Variants in CDH12 observed in about 807,000 individuals in gnomAD.
CDH12 encodes cadherin 12.
In CDH12, 41 loss-of-function variants were observed where a neutral mutation model predicts 74.1. The ratio of observed to expected loss-of-function variants is 0.55; its 90% CI spans 0.43 to 0.72. The LOEUF is 0.72. Among genes scored for constraint, CDH12 ranks in the 30% least tolerant of loss-of-function variants. The pLI is 0.00. For synonymous variants in CDH12, 399 were observed against 355.0 expected, an observed-to-expected ratio of 1.12 and a Z score of -1.39; for missense variants, 945 against 977.2, an observed-to-expected ratio of 0.97 and a Z score of 0.44.
intron 4 of CDH12, among the ~76,000 whole-genome samples, chr5:22,120,256 G>C (rs909892294): frequency 2.0e-5 from 3 of 152,000 alleles, no homozygotes; most frequent in Non-Finnish European, 4.4e-5. Context: ...TTTGTCCTTG[G>C]CATCATGGTT....
intron 3 of CDH12, among the ~76,000 whole-genome samples, chr5:22,323,540 T>C (rs1216287693): frequency 6.6e-6 from 1 of 152,186 alleles, no homozygotes; most frequent in East Asian, 1.9e-4. Flanking sequence ...TTTATTGGCA[T>C]AAATTGTTTA....
chr5:21,802,386 A>G lies in CDH12; in HGVS notation c.1037T>C (p.Phe346Ser), dbSNP rs1175265233. Residue 346 changes from phenylalanine (F) to serine (S), a missense_variant, in exon 10 of 15, where the codon TTC becomes TCC. Physicochemically the swap from Phe to Ser is radical, Grantham distance 155 (BLOSUM62 -2). Coordinates refer to ENST00000382254, the MANE Select transcript of CDH12 (RefSeq NM_004061.5). ...GTGAAGGTTGGAAGCCTCAACTTTG[A>G]AAGTGTATGCCTTCTTTGTTTCAAA... ...LDFETKKAYT[F>S]KVEASNLHLD... is the part of the protein sequence containing the mutation. 10 of 1,613,842 alleles carry G rather than the reference A, an allele frequency of 6.2e-6. No homozygotes were observed. Among genetic ancestry groups the G allele is most frequent in the Non-Finnish European group, 8.5e-6 (10 of 1,179,874 alleles).
intron 5 of CDH12, among the ~76,000 whole-genome samples, chr5:22,059,252 A>ACT (rs1335586991): frequency 8.7e-6 from 1 of 114,942 alleles, no homozygotes; most frequent in Non-Finnish European, 1.8e-5. Context: ...TTTTCCTTGT[A>ACT]CTCTATCTAT....
chr5:22,209,330 A>T (rs984905840), intron 4 of CDH12, among the ~76,000 whole-genome samples: 1 of 152,226 alleles, frequency 6.6e-6, no homozygotes, highest in Non-Finnish European at 1.5e-5. Context: ...AAGTCAGCAT[A>T]GCAAATAGGC....
intron 1 of CDH12, among the ~76,000 whole-genome samples, chr5:22,659,039 T>C (rs182633467): frequency 6.6e-6 from 1 of 152,202 alleles, no homozygotes; most frequent in Admixed American, 6.5e-5. Flanking sequence ...ACCATTTTCA[T>C]GTTAAGGCCT....
intron 3 of CDH12, among the ~76,000 whole-genome samples, chr5:22,337,686 C>G (rs1445812922): frequency 6.6e-6 from 1 of 152,210 alleles, no homozygotes; most frequent in Non-Finnish European, 1.5e-5. Context: ...TTAAACCTTT[C>G]TCTTTTGCAA....
At chr5:22,554,284 T>G (rs1386188848) in intron 1 of CDH12, among the ~76,000 whole-genome samples, 3 of 152,040 alleles carry the variant, frequency 2.0e-5, no homozygotes, top group Non-Finnish European at 4.4e-5. Flanking sequence ...ATACCAAGAG[T>G]GAACCCTAAT....
intron 1 of CDH12, among the ~76,000 whole-genome samples, chr5:22,688,163 G>A (rs1734727228): frequency 6.6e-6 from 1 of 152,080 alleles, no homozygotes; most frequent in Non-Finnish European, 1.5e-5. Flanking sequence ...GGAGATTCAT[G>A]AGAATTAAAT....
intron 5 of CDH12, among the ~76,000 whole-genome samples, chr5:21,988,266 C>T (rs184657593): frequency 1.2e-4 from 18 of 151,854 alleles, no homozygotes; most frequent in Admixed American, 9.8e-4. Flanking sequence ...CTGAGGTGGG[C>T]GGATCACTTG....
At chr5:22,299,779 A>G (rs1399604713) in intron 3 of CDH12, among the ~76,000 whole-genome samples, 2 of 152,176 alleles carry the variant, frequency 1.3e-5, no homozygotes, top group African/African-American at 2.4e-5. Flanking sequence ...TTGTTGTTTG[A>G]AAGACATTTT....
chr5:22,655,027 C>G (rs1010563476), intron 1 of CDH12, among the ~76,000 whole-genome samples: 1 of 152,194 alleles, frequency 6.6e-6, no homozygotes, highest in Non-Finnish European at 1.5e-5. Context: ...CTCTAAAAAT[C>G]TAACTTATCT....
intron 2 of CDH12, among the ~76,000 whole-genome samples, chr5:22,435,426 A>T (rs545441482): frequency 6.6e-6 from 1 of 151,668 alleles, no homozygotes; most frequent in Non-Finnish European, 1.5e-5. Flanking sequence ...ATATGTGTGT[A>T]TATATACGTA....
At chr5:21,959,739 C>G (rs1047838533) in intron 6 of CDH12, among the ~76,000 whole-genome samples, 14 of 134,248 alleles carry the variant, frequency 1.0e-4, no homozygotes, top group Non-Finnish European at 2.0e-4. Flanking sequence ...GAAACCCCAT[C>G]TCTACTAAAA....
intron 8 of CDH12, among the ~76,000 whole-genome samples, chr5:21,821,286 T>G (rs1423730502): frequency 6.6e-6 from 1 of 151,800 alleles, no homozygotes; most frequent in Non-Finnish European, 1.5e-5. Flanking sequence ...GCAGGAAATT[T>G]CCAGATACTG....
At chr5:22,610,977 C>G (rs1737367819) in intron 1 of CDH12, among the ~76,000 whole-genome samples, 1 of 152,082 alleles carries the variant, frequency 6.6e-6, no homozygotes. Flanking sequence ...AAACATACTA[C>G]TATGACTTCA....
At chr5:22,835,751 G>A (rs1347419522) in intron 1 of CDH12, among the ~76,000 whole-genome samples, 5 of 152,170 alleles carry the variant, frequency 3.3e-5, no homozygotes, top group Non-Finnish European at 7.3e-5. Flanking sequence ...AAAGTCAACT[G>A]TGAATCTGGG....
intron 1 of CDH12, among the ~76,000 whole-genome samples, chr5:22,616,340 T>C (rs1451647157): frequency 6.6e-6 from 1 of 152,082 alleles, no homozygotes; most frequent in Non-Finnish European, 1.5e-5. Context: ...AAAATTAGTA[T>C]TAAGTGCTAA....
Position 22,698,735 on chromosome 5 carries a change from AGTGT to A in CDH12, c.-523+154319_-523+154322del, listed in dbSNP as rs374493879. On this transcript the variant is annotated intron_variant, in intron 1 of 14. Transcript: ENST00000382254. ...TATATATATATATATATATATATAT[AGTGT>A]GTGTGTGTGTGTGTGTGTGTGTGTG... is the stretch of plus-strand genomic sequence containing the variant. Among the ~76,000 whole-genome samples, 33 of 14,518 alleles carry A rather than the reference AGTGT, an allele frequency of 2.3e-3. 1 individual carries two copies. Among genetic ancestry groups the A allele is most frequent in the African/African-American group, 4.7e-3 (17 of 3,650 alleles). The allele number at this position is 14,518 out of a possible 152,430, so 9.5% of individuals were successfully genotyped here.
chr5:22,404,679 G>A (rs895296203), intron 3 of CDH12, among the ~76,000 whole-genome samples: 3 of 152,156 alleles, frequency 2.0e-5, no homozygotes, highest in Admixed American at 6.6e-5. Flanking sequence ...CTGTAGAAAT[G>A]AGTGAGGAAA....
Sources: allele counts gnomAD v4.1 joint callset (sites outside exome capture counted in the v4.1 genomes callset), GRCh38; gene constraint gnomAD v4.1.1; transcripts MANE v1.5; gene names NCBI Gene and HGNC (gene_info 2026-07-23, HGNC 2026-07-21).